FBXO24: variants seen among roughly 807,000 people sequenced by gnomAD.
The protein encoded by FBXO24 is F-box only protein 24.
FBXO24 carries 30 observed loss-of-function variants against 63.5 expected under a neutral mutation model. The observed-to-expected ratio is 0.47, with a 90% CI of 0.35 to 0.64. The LOEUF is 0.64. Among genes scored for constraint, FBXO24 ranks in the 30% least tolerant of loss-of-function variants. FBXO24 has a pLI of 0.00. For synonymous variants in FBXO24, 300 were observed against 305.0 expected, an observed-to-expected ratio of 0.98 and a Z score of 0.17; for missense variants, 624 against 763.4, an observed-to-expected ratio of 0.82 and a Z score of 2.15.
intron 1 of FBXO24, 174 bp from the exon 2 acceptor site, chr7:100,589,803 A>C (rs1392708193): frequency 6.6e-7 from 1 of 1,518,662 alleles, no homozygotes; most frequent in Admixed American, 2.1e-5. Context: ...GGTGAGGGGG[A>C]TTGGCCGCAG....
intron 3 of FBXO24, among the ~76,000 whole-genome samples, chr7:100,591,437 G>C (rs1802022989): frequency 6.6e-6 from 1 of 152,210 alleles, no homozygotes. Context: ...TGCTCACTAA[G>C]AAGCAAATGT....
intron 8 of FBXO24, among the ~76,000 whole-genome samples, chr7:100,597,855 C>T (rs1373929607): frequency 6.6e-6 from 1 of 151,798 alleles, no homozygotes; most frequent in Non-Finnish European, 1.5e-5. Flanking sequence ...GAATGCGCCA[C>T]TACGCCCAGA....
chr7:100,595,827 C>T, intron 8 of FBXO24, 121 bp downstream of exon 8: 2 of 1,386,210 alleles, frequency 1.4e-6, no homozygotes, highest in Admixed American at 4.8e-5. Flanking sequence ...GAAGTTAAGC[C>T]ACTCAGTATG....
intron 8 of FBXO24, 102 bp downstream of exon 8, chr7:100,595,808 TTCC>T: frequency 6.8e-7 from 1 of 1,466,240 alleles, no homozygotes; most frequent in Non-Finnish European, 9.1e-7. Flanking sequence ...CCAATTTCTG[TTCC>T]TTTGGGAAGT....
Position 100,600,316 on chromosome 7 carries a change from C to A in FBXO24, c.1377+115C>A. The A allele has an allele frequency of 1.5e-6, 2 of 1,362,158 alleles. No individual in the cohort carries two copies. Among genetic ancestry groups the A allele is most frequent in the Non-Finnish European group, 2.0e-6 (2 of 1,018,774 alleles). 84.4% of individuals were successfully genotyped at this position (1,362,158 alleles called of 1,614,324 possible). ...GACCCAGGGGGTCCCATTTCCCTAG[C>A]ACCACCCCACCTCCCTCCTCTGCCG... On this transcript the variant is annotated intron_variant, in intron 9 of 9. Coordinates refer to ENST00000241071, the MANE Select transcript of FBXO24 (RefSeq NM_033506.3). The surrounding 1 kb of genome is among the most constrained non-coding windows in gnomAD (Gnocchi z 6.3).
In FBXO24 at chr7:100,600,173, G is replaced by A. The variant is rs1457161369; in HGVS notation, c.1349G>A (p.Ser450Asn). 2 of 1,579,262 alleles carry A rather than the reference G, an allele frequency of 1.3e-6. No individual in the cohort carries two copies. The highest frequency in any genetic ancestry group is 1.7e-6 in the Non-Finnish European group (2 of 1,162,416). Residue 450 changes from serine to asparagine, a missense_variant, in exon 9 of 10, where the codon AGT becomes AAT. Coordinates refer to ENST00000241071, the MANE Select transcript of FBXO24 (RefSeq NM_033506.3). This position sits in a 1 kb window ranked among gnomAD's most constrained non-coding sequence, Gnocchi z 6.3. ...GGRLPGWPKG[S>N]ASFVKLQVKV... ...CGCCTCCCAGGCTGGCCCAAGGGGA[G>A]TGCCTCCTTCGTCAAGCTCCAAGTC...
intron 7 of FBXO24, 103 bp from the exon 8 acceptor site, chr7:100,595,472 A>G: frequency 7.2e-7 from 1 of 1,387,456 alleles, no homozygotes; most frequent in Non-Finnish European, 9.8e-7. Flanking sequence ...ATATATAGAA[A>G]GAGATCAGCT....
In FBXO24 at chr7:100,600,346, C is replaced by T; in HGVS notation, c.1377+145C>T. On this transcript the variant is annotated intron_variant, in intron 9 of 9. Coordinates refer to ENST00000241071, the MANE Select transcript of FBXO24 (RefSeq NM_033506.3). This position sits in a 1 kb window ranked among gnomAD's most constrained non-coding sequence, Gnocchi z 6.3. ...CCCCACCTCCCTCCTCTGCCGCACA[C>T]CACGCTCTCTGCTTTCTCCCTTAGC... 2 of 1,367,722 alleles carry T rather than the reference C, an allele frequency of 1.5e-6. No individual in the cohort carries two copies. Among genetic ancestry groups the T allele is most frequent in the Non-Finnish European group, 2.0e-6 (2 of 1,019,792 alleles). 84.7% of individuals were successfully genotyped at this position (1,367,722 alleles called of 1,614,324 possible).
intron 1 of FBXO24, among the ~76,000 whole-genome samples, chr7:100,587,933 G>A (rs1026205283): frequency 6.7e-6 from 1 of 149,614 alleles, no homozygotes; most frequent in Non-Finnish European, 1.5e-5. Context: ...AGACAGAGTC[G>A]CTCTGTTGCC....
chr7:100,593,102 C>A, intron 5 of FBXO24, 85 bp downstream of exon 5: 1 of 1,145,288 alleles, frequency 8.7e-7, no homozygotes, highest in Non-Finnish European at 1.3e-6. Context: ...GGAGGCCCCT[C>A]AGACTGGGTT....
chr7:100,590,299 G>A lies in FBXO24; in HGVS notation c.264G>A (p.Pro88=), dbSNP rs775707941. The change falls in exon 3 of 10, where the codon CCG becomes CCA. Residue 88 remains proline (P), a synonymous_variant. Transcript: ENST00000241071. ...GACGCATCTGTCGCAGACTCAGTCC[G>A]CGCCTCCAAGATCAGGGTTCTGGAG... ...VWRRICRRLS[P]RLQDQGSGVR... The A allele has an allele frequency of 5.0e-6, 8 of 1,613,994 alleles. No individual in the cohort carries two copies. The East Asian group carries it at 6.7e-5, about 13-fold the overall frequency.
chr7:100,596,855 C>A (rs1802331083), intron 8 of FBXO24, among the ~76,000 whole-genome samples: 1 of 152,060 alleles, frequency 6.6e-6, no homozygotes, highest in African/African-American at 2.4e-5. Flanking sequence ...TCAGCCTGGA[C>A]AACATGGTGA....
chr7:100,596,249 A>G (rs1802303596), intron 8 of FBXO24, among the ~76,000 whole-genome samples: 1 of 152,162 alleles, frequency 6.6e-6, no homozygotes, highest in African/African-American at 2.4e-5. Context: ...ACCCTACTCC[A>G]GCCTGGGCCA....
chr7:100,594,975 A>G lies in FBXO24; in HGVS notation c.953-127A>G. The stretch of plus-strand genomic sequence containing the variant: ...AAAGATGTGTTTTCAGTTCCCAGGC[A>G]TCATAGTTGATGCATTCCTAGTGGG... On this transcript the variant is annotated intron_variant, in intron 6 of 9. Transcript: ENST00000241071. The surrounding 1 kb of genome is among the most constrained non-coding windows in gnomAD (Gnocchi z 4.2). 1 of 1,313,126 alleles carries G rather than the reference A, an allele frequency of 7.6e-7. No individual in the cohort carries two copies. Among genetic ancestry groups the G allele is most frequent in the South Asian group, 1.4e-5 (1 of 70,922 alleles). The allele number at this position is 1,313,126 out of a possible 1,614,324, so 81.3% of individuals were successfully genotyped here. A position where few individuals can be genotyped will look rare whatever the true frequency, so the allele number is the denominator to read the frequency against.
chr7:100,591,573 C>T (rs1283641059), intron 3 of FBXO24, 94 bp from the exon 4 acceptor site: 3 of 1,172,128 alleles, frequency 2.6e-6, no homozygotes, highest in African/African-American at 3.0e-5. Flanking sequence ...GGAGGAACTA[C>T]AAACCAGCGT....
At position 100,594,174 on chromosome 7, in the gene FBXO24, T is replaced by A. The variant is rs1802176993; in HGVS notation, c.794-209T>A. On this transcript the variant is annotated intron_variant, in intron 5 of 9. Transcript: ENST00000241071. The surrounding 1 kb of genome is among the most constrained non-coding windows in gnomAD (Gnocchi z 4.2). ...TTCTAACAAATCTGCTAGATTTTTC[T>A]CTCTGCTCATCTCTCATGCTGAAGT... Among the ~76,000 whole-genome samples the A allele has an allele frequency of 6.6e-6, 1 of 152,180 alleles. No homozygotes were observed.
chr7:100,592,013 C>T (rs1802055684), intron 4 of FBXO24, 111 bp downstream of exon 4: 4 of 1,094,916 alleles, frequency 3.7e-6, no homozygotes, highest in Non-Finnish European at 4.0e-6. Flanking sequence ...GTAATCCTAG[C>T]ACTTTGGGAG....
intron 8 of FBXO24, among the ~76,000 whole-genome samples, chr7:100,598,624 G>A (rs1434135696): frequency 6.6e-6 from 1 of 152,206 alleles, no homozygotes; most frequent in East Asian, 1.9e-4. Flanking sequence ...GAAGCAAGTA[G>A]AAGCTTTTTT....
rs1801752969 is a variant in FBXO24, at chr7:100,586,362, C to T, written c.-264C>T. 1 of 636,962 alleles carries T rather than the reference C, an allele frequency of 1.6e-6. No individual in the cohort carries two copies. The highest frequency in any genetic ancestry group is 2.9e-5 in the Admixed American group (1 of 34,060). The allele number at this position is 636,962 out of a possible 1,614,324, so 39.5% of individuals were successfully genotyped here. A position where few individuals can be genotyped will look rare whatever the true frequency, so the allele number is the denominator to read the frequency against. On this transcript the variant is annotated 5_prime_UTR_variant, in exon 1 of 10. Coordinates refer to ENST00000241071, the MANE Select transcript of FBXO24 (RefSeq NM_033506.3). ...GCCAACGGCCGACGCTCCAGGCCGT[C>T]CCGCCCAGCGCAGCTGCACCCAATC...
Sources: gnomAD v4.1 joint callset for allele counts (sites outside exome capture counted in the v4.1 genomes callset) on GRCh38, gnomAD v4.1.1 for gene constraint, Gnocchi (gnomAD v3.1) non-coding constraint, MANE v1.5 for transcripts, NCBI Gene and HGNC (gene_info 2026-07-23, HGNC 2026-07-21) for gene names.